The following MVK variants were observed in gnomAD, a reference collection of about 807,000 sequenced individuals.
The protein encoded by MVK is LH receptor mRNA-binding protein.
Under a neutral mutation model 43.2 loss-of-function variants are expected in MVK, and 34 were observed. The observed-to-expected ratio is 0.79, with a 90% CI of 0.60 to 1.05. MVK has a LOEUF of 1.05. MVK is among the 50% of genes least tolerant of loss of function. The pLI is 0.00. For missense variants in MVK, 395 were observed against 504.0 expected, an observed-to-expected ratio of 0.78 and a Z score of 2.07; for synonymous variants, 190 against 219.8, an observed-to-expected ratio of 0.86 and a Z score of 1.20.
chr12:109,574,748 C>A, intron 1 of MVK, 61 bp from the exon 2 acceptor site: 1 of 1,380,050 alleles, frequency 7.2e-7, no homozygotes, highest in Non-Finnish European at 1.0e-6. Flanking sequence ...GTTCTAAGAT[C>A]TCTTCCTGCT....
At chr12:109,588,005 C>A (rs932923018) in intron 7 of MVK, 3 of 105,044 alleles carry the variant, frequency 2.9e-5, no homozygotes, top group Non-Finnish European at 6.5e-5. Context: ...TTGCCGCCGA[C>A]CTTTGCACTC....
At chr12:109,581,773 T>C (rs1885228633) in intron 5 of MVK, among the ~76,000 whole-genome samples, 1 of 152,162 alleles carries the variant, frequency 6.6e-6, no homozygotes, top group South Asian at 2.1e-4. Context: ...TTTTCTCTCC[T>C]GCTCTCCACC....
At chr12:109,592,748 C>T (rs1885739238) in intron 9 of MVK, among the ~76,000 whole-genome samples, 1 of 152,186 alleles carries the variant, frequency 6.6e-6, no homozygotes, top group African/African-American at 2.4e-5. Flanking sequence ...CTGGTCTGTC[C>T]CTTTATTCAA....
chr12:109,583,988 A>G (rs1489068805), intron 5 of MVK, among the ~76,000 whole-genome samples: 2 of 152,214 alleles, frequency 1.3e-5, no homozygotes, highest in Non-Finnish European at 2.9e-5. Context: ...CCATTAAGTT[A>G]GTAGCTAAGA....
intron 7 of MVK, chr12:109,590,013 G>A (rs1202524003): frequency 6.4e-6 from 1 of 155,992 alleles, no homozygotes; most frequent in Non-Finnish European, 1.4e-5. Flanking sequence ...CAGCCAAGGG[G>A]ATGACTGACT....
chr12:109,581,094 C>G (rs1885194881), intron 4 of MVK, among the ~76,000 whole-genome samples: 1 of 152,168 alleles, frequency 6.6e-6, no homozygotes, highest in African/African-American at 2.4e-5. Flanking sequence ...ACAGAAAAGC[C>G]TAGCATGTGG....
chr12:109,581,825 C>T (rs761202506), intron 5 of MVK, among the ~76,000 whole-genome samples: 1 of 152,170 alleles, frequency 6.6e-6, no homozygotes, highest in Non-Finnish European at 1.5e-5. Context: ...GTTTCAAGCG[C>T]CCATGGTATG....
intron 7 of MVK, chr12:109,587,031 A>C (rs977446903): frequency 2.1e-5 from 12 of 562,058 alleles, no homozygotes; most frequent in Non-Finnish European, 3.5e-5. Context: ...AGGGAAAGTC[A>C]TGCATGGCTG....
intron 7 of MVK, 164 bp downstream of exon 7, chr12:109,586,963 G>A (rs1421222978): frequency 3.2e-5 from 24 of 760,536 alleles, no homozygotes; most frequent in Non-Finnish European, 5.3e-5. Flanking sequence ...CAGGGGTGGT[G>A]GGGAAGACCT....
Position 109,574,795 on chromosome 12 carries a change from G to T in MVK, c.-14-14G>T. The T allele has an allele frequency of 5.7e-6, 9 of 1,572,436 alleles. No individual in the cohort carries two copies. The highest frequency in any genetic ancestry group is 6.9e-6 in the Non-Finnish European group (8 of 1,156,162). On this transcript the variant is annotated splice_polypyrimidine_tract_variant and intron_variant, in intron 1 of 10. Coordinates refer to ENST00000228510, the MANE Select transcript of MVK (RefSeq NM_000431.4). ...CTAGAGATCTTTGCTCTTCTCATTGGCTTTCCCTTTTAGGATTCCCAGGAG... is the reference window on the plus strand; with the variant it reads ...CTAGAGATCTTTGCTCTTCTCATTGTCTTTCCCTTTTAGGATTCCCAGGAG...
chr12:109,585,870 C>T, intron 5 of MVK, 152 bp from the exon 6 acceptor site: 1 of 699,142 alleles, frequency 1.4e-6, no homozygotes, highest in Non-Finnish European at 2.6e-6. Context: ...TTGGCACGCT[C>T]CGTAGCTGGA....
upstream of MVK, chr12:109,573,355 G>C: frequency 1.2e-6 from 2 of 1,613,260 alleles, no homozygotes; most frequent in Non-Finnish European, 1.7e-6. Flanking sequence ...ACCTGTCCCC[G>C]TCTTCCACGC....
At position 109,581,746 on chromosome 12, in the gene MVK, G is replaced by T. The variant is rs376177480; in HGVS notation, c.527+196G>T. 5.5e-4 allele frequency among the ~76,000 whole-genome samples: 83 copies of T among 152,286 alleles called. 1 individual carries two copies. The East Asian group carries it at 8.9e-3, about 16-fold the overall frequency. On this transcript the variant is annotated intron_variant, in intron 5 of 10. Coordinates refer to ENST00000228510, the MANE Select transcript of MVK (RefSeq NM_000431.4). ...AGCTAGTGCTGGCAGAGTGGGATTTGAACTCAGAGTCTGAGCTTTTCTCTC... is the reference window on the plus strand; with the variant it reads ...AGCTAGTGCTGGCAGAGTGGGATTTTAACTCAGAGTCTGAGCTTTTCTCTC...
chr12:109,587,467 A>G (rs1885488835), intron 7 of MVK, among the ~76,000 whole-genome samples: 1 of 152,192 alleles, frequency 6.6e-6, no homozygotes, highest in Non-Finnish European at 1.5e-5. Context: ...CACCCACGGC[A>G]GAATTGTTGG....
chr12:109,581,583 C>A, intron 5 of MVK, 33 bp downstream of exon 5: 4 of 1,614,100 alleles, frequency 2.5e-6, no homozygotes, highest in Non-Finnish European at 3.4e-6. Context: ...CAGTGTCCCT[C>A]CCGCACGGCA....
chr12:109,575,935 C>T (rs1360704926), intron 2 of MVK, 63 bp from the exon 3 acceptor site: 12 of 1,594,660 alleles, frequency 7.5e-6, no homozygotes, highest in South Asian at 3.3e-5. Flanking sequence ...CTTCTTAGCA[C>T]GTGGGTCCTG....
At chr12:109,573,423 C>T, upstream of MVK, 3 of 1,609,912 alleles carry the variant, frequency 1.9e-6, no homozygotes, top group Middle Eastern at 1.7e-4. Flanking sequence ...CCGAAGCACC[C>T]GCGCAGGCCA....
rs1204463268 is a variant in MVK at position 109,573,851 on chromosome 12, C to G, written c.-37C>G. ...GGCTTCGGCGCGGAGGGGCGGCGGC[C>G]GGGGAGGCGGCGGCGGCGGCAGGTG... is the stretch of plus-strand genomic sequence containing the variant. On this transcript the variant is annotated 5_prime_UTR_variant, in exon 1 of 11. Transcript: ENST00000228510. 4.9e-6 allele frequency: 1 copy of G among 205,442 alleles called. No homozygotes were observed. The highest frequency in any genetic ancestry group is 9.6e-6 in the Non-Finnish European group (1 of 104,290). The allele number at this position is 205,442 out of a possible 1,614,324, so 12.7% of individuals were successfully genotyped here.
At position 109,586,804 on chromosome 12, in the gene MVK, C is replaced by T. The variant is rs1455015163; in HGVS notation, c.677+5C>T. On this transcript the variant is annotated splice_donor_5th_base_variant and intron_variant, in intron 7 of 10. Transcript: ENST00000228510. ...GAAGATTTCATCCTTAAAGAGGTAACCTGGGGGTGGAGCAGCACATTCAGC... is the reference window on the plus strand; with the variant it reads ...GAAGATTTCATCCTTAAAGAGGTAATCTGGGGGTGGAGCAGCACATTCAGC... 1.2e-6 allele frequency: 2 copies of T among 1,614,092 alleles called. No homozygotes were observed. Among genetic ancestry groups the T allele is most frequent in the East Asian group, 2.2e-5 (1 of 44,874 alleles).
Sources: allele counts gnomAD v4.1 joint callset (sites outside exome capture counted in the v4.1 genomes callset), GRCh38; gene constraint gnomAD v4.1.1; transcripts MANE v1.5; gene names NCBI Gene and HGNC (gene_info 2026-07-23, HGNC 2026-07-21).